ALK: variants seen among roughly 807,000 people sequenced by gnomAD.
The protein encoded by ALK is ALK receptor tyrosine kinase.
A neutral mutation model predicts 163.1 loss-of-function variants in ALK; 74 were observed. The ratio of observed to expected loss-of-function variants is 0.45; its 90% CI spans 0.38 to 0.55. The LOEUF (loss-of-function observed/expected upper bound fraction) is 0.55. Ranked by LOEUF, ALK falls within the 20% of genes least tolerant of loss-of-function variation. ALK has a pLI of 0.00. For synonymous variants in ALK, 960 were observed against 843.2 expected (o/e 1.14, Z -2.40); for missense variants, 2,063 against 2,105.3 (o/e 0.98, Z 0.39).
chr2:29,648,093 A>C (rs994841632), intron 3 of ALK, among the ~76,000 whole-genome samples: 2 of 151,882 alleles, frequency 1.3e-5, no homozygotes, highest in African/African-American at 2.4e-5. Flanking sequence ...TGAAGAAGAA[A>C]ATTCTTAAAG....
intron 2 of ALK, among the ~76,000 whole-genome samples, chr2:29,712,145 T>C (rs1361621795): frequency 6.6e-6 from 1 of 152,200 alleles, no homozygotes; most frequent in Non-Finnish European, 1.5e-5. Flanking sequence ...GGATTGAGTA[T>C]ATTGGCTCCC....
chr2:29,917,774 T>C (rs1667872929), intron 1 of ALK, among the ~76,000 whole-genome samples: 2 of 152,252 alleles, frequency 1.3e-5, no homozygotes, highest in Admixed American at 6.5e-5. Flanking sequence ...GGGGAGCTCA[T>C]CCAGTTACAC....
At chr2:29,506,388 A>T (rs984310175) in intron 4 of ALK, among the ~76,000 whole-genome samples, 3 of 152,200 alleles carry the variant, frequency 2.0e-5, no homozygotes, top group African/African-American at 7.2e-5. Context: ...GACACTCATG[A>T]TCAGGTATAA....
At chr2:29,384,791 T>G (rs1668989128) in intron 4 of ALK, among the ~76,000 whole-genome samples, 1 of 152,140 alleles carries the variant, frequency 6.6e-6, no homozygotes, top group Non-Finnish European at 1.5e-5. Context: ...ATAAATTACA[T>G]GTACAAAAAG....
At chr2:29,518,387 T>C (rs1231151721) in intron 4 of ALK, among the ~76,000 whole-genome samples, 1 of 152,220 alleles carries the variant, frequency 6.6e-6, no homozygotes, top group Non-Finnish European at 1.5e-5. Flanking sequence ...TCAGACATTT[T>C]TGGGAATGTC....
intron 3 of ALK, among the ~76,000 whole-genome samples, chr2:29,595,091 C>G (rs1675173005): frequency 6.6e-6 from 1 of 152,118 alleles, no homozygotes; most frequent in African/African-American, 2.4e-5. Flanking sequence ...TCCCAGATGT[C>G]TTTTCATTGT....
At chr2:29,694,777 C>T in intron 3 of ALK, 73 bp downstream of exon 3, 2 of 1,575,644 alleles carry the variant, frequency 1.3e-6, no homozygotes, top group Non-Finnish European at 1.7e-6. Context: ...GAAGTCTCAT[C>T]ATTTCAAACA....
At chr2:29,599,186 C>CAAA (rs538039527) in intron 3 of ALK, among the ~76,000 whole-genome samples, 1 of 100,284 alleles carries the variant, frequency 1.0e-5, no homozygotes. Flanking sequence ...TCTGACTCTG[C>CAAA]AAAAAAAAAA....
At chr2:29,876,161 A>G (rs199743094) in intron 1 of ALK, among the ~76,000 whole-genome samples, 1 of 152,234 alleles carries the variant, frequency 6.6e-6, no homozygotes, top group African/African-American at 2.4e-5. Flanking sequence ...TTTCTCATAC[A>G]TAAAATGGGG....
chr2:29,710,499 C>CGTGTGTGTGT (rs55939983), intron 2 of ALK, among the ~76,000 whole-genome samples: 1,811 of 144,742 alleles, frequency 0.013, 30 homozygotes, highest in Middle Eastern at 0.035. Context: ...AGTCTGTGTG[C>CGTGTGTGTGT]GTGTGTGTGT....
chr2:29,757,289 A>G (rs981968151), intron 1 of ALK, among the ~76,000 whole-genome samples: 2 of 152,142 alleles, frequency 1.3e-5, no homozygotes, highest in African/African-American at 2.4e-5. Flanking sequence ...ATCTCTTACT[A>G]CATGCCACAT....
chr2:29,212,101 G>T (rs923637856), intron 24 of ALK, among the ~76,000 whole-genome samples: 3 of 152,180 alleles, frequency 2.0e-5, no homozygotes, highest in African/African-American at 7.2e-5. Context: ...GACCAACGTG[G>T]GCAGAGATAA....
At chr2:29,251,065 G>A (rs2148197094) in intron 12 of ALK, 40 bp downstream of exon 12, 2 of 1,605,110 alleles carry the variant, frequency 1.2e-6, no homozygotes, top group Non-Finnish European at 1.7e-6. Flanking sequence ...TTCTTCGGAA[G>A]GGGTGGTCTG....
intron 1 of ALK, among the ~76,000 whole-genome samples, chr2:29,825,715 T>TG (rs1558505413): frequency 1.2e-4 from 7 of 57,464 alleles, no homozygotes; most frequent in Non-Finnish European, 3.4e-4. Context: ...TTTTGTGTGT[T>TG]TTTTTTTTTA....
chr2:29,579,727 A>T (rs1193193539), intron 3 of ALK, among the ~76,000 whole-genome samples: 1 of 152,120 alleles, frequency 6.6e-6, no homozygotes, highest in Non-Finnish European at 1.5e-5. Flanking sequence ...TTTGCTTCAG[A>T]TGCCGGATAT....
intron 3 of ALK, among the ~76,000 whole-genome samples, chr2:29,646,426 G>A (rs1676877158): frequency 6.6e-6 from 1 of 152,156 alleles, no homozygotes; most frequent in African/African-American, 2.4e-5. Flanking sequence ...CAACTTGACA[G>A]CTGAAGGGGT....
chr2:29,704,916 GA>G (rs1466673510), intron 2 of ALK, among the ~76,000 whole-genome samples: 1 of 152,022 alleles, frequency 6.6e-6, no homozygotes, highest in Non-Finnish European at 1.5e-5. Context: ...AAACCAGGGA[GA>G]ATTATCACAC....
chr2:29,239,103 A>T (rs1389392862), intron 13 of ALK, among the ~76,000 whole-genome samples: 1 of 152,228 alleles, frequency 6.6e-6, no homozygotes, highest in South Asian at 2.1e-4. Flanking sequence ...TTTTATGCAA[A>T]AGGTTGCACT....
intron 1 of ALK, among the ~76,000 whole-genome samples, chr2:29,834,242 A>G (rs867413734): frequency 6.6e-6 from 1 of 152,168 alleles, no homozygotes. Flanking sequence ...TCTGCCTGAG[A>G]GCTCTAATCA....
Sources: gnomAD v4.1 joint callset for allele counts (sites outside exome capture counted in the v4.1 genomes callset) on GRCh38, gnomAD v4.1.1 for gene constraint, MANE v1.5 for transcripts, NCBI Gene and HGNC (gene_info 2026-07-23, HGNC 2026-07-21) for gene names.